Variants in ARIH1 observed in about 807,000 individuals in gnomAD.
The protein encoded by ARIH1 is ariadne RBR E3 ubiquitin protein ligase 1.
ARIH1 carries 8 observed loss-of-function variants against 85.0 expected under a neutral mutation model. The ratio of observed to expected loss-of-function variants is 0.09; its 90% confidence interval spans 0.06 to 0.17. ARIH1 has a LOEUF of 0.17. Ranked by LOEUF, ARIH1 falls within the 10% of genes least tolerant of loss-of-function variation. ARIH1 has a pLI of 1.00. For synonymous variants in ARIH1, 238 were observed against 253.6 expected (o/e 0.94, Z 0.59); for missense variants, 311 against 718.1 (o/e 0.43, Z 6.48).
chr15:72,503,098 T>C (rs2063910361), intron 1 of ARIH1, among the ~76,000 whole-genome samples: 1 of 152,230 alleles, frequency 6.6e-6, no homozygotes, highest in Non-Finnish European at 1.5e-5. Context: ...CTAAGTAGTC[T>C]AGAAGGCCAA....
intron 2 of ARIH1, among the ~76,000 whole-genome samples, chr15:72,536,878 G>A (rs2064084250): frequency 6.6e-6 from 1 of 151,676 alleles, no homozygotes. Context: ...GTTTTTTTAG[G>A]TTTTATTTTA....
chr15:72,578,169 C>G (rs1054306594), intron 11 of ARIH1, among the ~76,000 whole-genome samples: 7 of 152,188 alleles, frequency 4.6e-5, no homozygotes, highest in African/African-American at 1.7e-4. Context: ...TTTTCTTTGC[C>G]ATATCCACAG....
chr15:72,551,022 T>C (rs1192844222), intron 3 of ARIH1, among the ~76,000 whole-genome samples: 3 of 152,180 alleles, frequency 2.0e-5, no homozygotes, highest in African/African-American at 7.2e-5. Context: ...AAAAATATAG[T>C]TGATGTGCTG....
At chr15:72,572,255 TGAGACAGTGTCTCGC>T in intron 11 of ARIH1, 90 bp downstream of exon 11, 1 of 597,198 alleles carries the variant, frequency 1.7e-6, no homozygotes, top group Non-Finnish European at 2.8e-6. Flanking sequence ...TTTTTTTTTT[TGAGACAGTGTCTCGC>T]TTTGTCGCCC....
chr15:72,543,143 C>T (rs1239504282), intron 2 of ARIH1, among the ~76,000 whole-genome samples: 3 of 151,908 alleles, frequency 2.0e-5, no homozygotes, highest in Admixed American at 1.3e-4. Context: ...CCATGTTGGC[C>T]AGGCTGGTTT....
At chr15:72,576,496 A>G (rs1168920583) in intron 11 of ARIH1, among the ~76,000 whole-genome samples, 2 of 107,868 alleles carry the variant, frequency 1.9e-5, no homozygotes, top group East Asian at 5.9e-4. Flanking sequence ...ACAGAGCAAG[A>G]CTCTGTCTCA....
chr15:72,589,354 A>G lies in ARIH1; in HGVS notation c.*6062A>G, dbSNP rs547818805. On this transcript the variant is annotated 3_prime_UTR_variant, in exon 14 of 14. Coordinates refer to ENST00000379887, the MANE Select transcript of ARIH1 (RefSeq NM_005744.5). ...CATGTGAAAACAAAACCTAGTTACA[A>G]TAATAAGCACACCAGTGCTAACTTG... is the stretch of plus-strand genomic sequence containing the variant. 6.6e-6 allele frequency: 1 copy of G among 152,358 alleles called. No individual in the cohort carries two copies. The highest frequency in any genetic ancestry group is 1.5e-5 in the Non-Finnish European group (1 of 68,042). 9.4% of individuals were successfully genotyped at this position (152,358 alleles called of 1,614,324 possible).
intron 5 of ARIH1, among the ~76,000 whole-genome samples, chr15:72,561,112 G>C (rs2064195768): frequency 1.3e-5 from 2 of 152,212 alleles, no homozygotes; most frequent in Admixed American, 6.5e-5. Context: ...TGGGGTGTCT[G>C]AAGGAAGGTG....
rs1452882256 is a variant in ARIH1 at position 72,596,483 on chromosome 15, T to G, written c.*13191T>G. ...CTTCTTGGATCTGTGTTGATGTCTT[T>G]CATTAATATTGGTTCTTTCTTGGCC... On this transcript the variant is annotated 3_prime_UTR_variant, in exon 14 of 14. Transcript: ENST00000379887. The G allele has an allele frequency of 6.6e-6, 1 of 152,200 alleles. No individual in the cohort carries two copies. Among genetic ancestry groups the G allele is most frequent in the Non-Finnish European group, 1.5e-5 (1 of 68,034 alleles). 9.4% of individuals were successfully genotyped at this position (152,200 alleles called of 1,614,324 possible).
At chr15:72,553,907 ACT>A (rs764919882) in intron 3 of ARIH1, among the ~76,000 whole-genome samples, 10 of 152,150 alleles carry the variant, frequency 6.6e-5, no homozygotes, top group Non-Finnish European at 5.9e-5. Context: ...ACAGAGTGAG[ACT>A]CTGTCTCAAA....
intron 3 of ARIH1, among the ~76,000 whole-genome samples, chr15:72,552,975 A>G (rs138940805): frequency 0.038 from 5,821 of 152,064 alleles, 334 homozygotes; most frequent in African/African-American, 0.13. Context: ...GGATTTTGCC[A>G]TTTTGGCCAG....
rs1447690035 is a variant in ARIH1 at position 72,595,287 on chromosome 15, C to T, written c.*11995C>T. On this transcript the variant is annotated 3_prime_UTR_variant, in exon 14 of 14. Coordinates refer to ENST00000379887, the MANE Select transcript of ARIH1 (RefSeq NM_005744.5). ...CTTGAGCTCCTGGACTCAAGCGACC[C>T]TCCTGCCTCAGCCTCCTGAGTAGCT... 6.6e-6 allele frequency: 1 copy of T among 152,036 alleles called. No individual in the cohort carries two copies. The highest frequency in any genetic ancestry group is 2.4e-5 in the African/African-American group (1 of 41,360). The allele number at this position is 152,036 out of a possible 1,614,324, so 9.4% of individuals were successfully genotyped here.
At chr15:72,558,549 G>A (rs927502347) in intron 5 of ARIH1, among the ~76,000 whole-genome samples, 3 of 152,150 alleles carry the variant, frequency 2.0e-5, no homozygotes, top group Admixed American at 1.3e-4. Context: ...CGATCTGCCC[G>A]CCTTGGCCTT....
chr15:72,535,108 C>T (rs890680754), intron 2 of ARIH1, among the ~76,000 whole-genome samples: 12 of 150,736 alleles, frequency 8.0e-5, no homozygotes, highest in African/African-American at 1.5e-4. Context: ...CCCGCCACCT[C>T]GCCCGGCTAA....
At chr15:72,570,049 C>T in intron 9 of ARIH1, 128 bp from the exon 10 acceptor site, 1 of 1,027,888 alleles carries the variant, frequency 9.7e-7, no homozygotes, top group Non-Finnish European at 1.4e-6. Flanking sequence ...GTTCTAAGTG[C>T]TTTATATGTA....
chr15:72,485,212 A>C (rs2063833178), intron 1 of ARIH1, among the ~76,000 whole-genome samples: 1 of 152,254 alleles, frequency 6.6e-6, no homozygotes, highest in South Asian at 2.1e-4. Context: ...AGTATCTTGC[A>C]AAACATCTTG....
chr15:72,544,743 T>C (rs2064121895), intron 2 of ARIH1, 77 bp from the exon 3 acceptor site: 2 of 1,312,278 alleles, frequency 1.5e-6, no homozygotes, highest in African/African-American at 1.5e-5. Flanking sequence ...CTTTTCCCTA[T>C]AGAAAGTCAG....
intron 1 of ARIH1, among the ~76,000 whole-genome samples, chr15:72,482,193 T>C (rs2063819239): frequency 6.6e-6 from 1 of 152,238 alleles, no homozygotes; most frequent in Non-Finnish European, 1.5e-5. Flanking sequence ...ATTGGAGTTC[T>C]TGATTTCCCT....
intron 2 of ARIH1, among the ~76,000 whole-genome samples, chr15:72,533,811 G>T (rs541183248): frequency 6.6e-6 from 1 of 152,140 alleles, no homozygotes; most frequent in Non-Finnish European, 1.5e-5. Context: ...GGAGGCTGAG[G>T]TGGGAGGATT....
Sources: gnomAD v4.1 joint callset for allele counts (sites outside exome capture counted in the v4.1 genomes callset) on GRCh38, gnomAD v4.1.1 for gene constraint, MANE v1.5 for transcripts, NCBI Gene and HGNC (gene_info 2026-07-23, HGNC 2026-07-21) for gene names.